Variants in STXBP4 observed in about 807,000 individuals in gnomAD.
The protein encoded by STXBP4 is syntaxin binding protein 4, also known as syntaxin-binding protein 4.
STXBP4 carries 55 observed loss-of-function variants against 76.1 expected under a neutral mutation model. The ratio of observed to expected loss-of-function variants is 0.72; its 90% CI spans 0.58 to 0.91. The LOEUF is 0.91. Ranked by LOEUF, STXBP4 falls within the 40% of genes least tolerant of loss-of-function variation. The probability of loss-of-function intolerance (pLI) is 0.00; values close to 1 mark genes in which losing one functional copy is unlikely to be tolerated. For missense variants in STXBP4, 618 were observed against 636.9 expected (o/e 0.97, Z 0.32); for synonymous variants, 201 against 220.2 (o/e 0.91, Z 0.77).
chr17:55,026,403 A>G (rs1411603252), intron 8 of STXBP4, among the ~76,000 whole-genome samples: 1 of 152,216 alleles, frequency 6.6e-6, no homozygotes, highest in Non-Finnish European at 1.5e-5. Flanking sequence ...TGGAAAGACA[A>G]AATAGTGTAT....
At chr17:55,048,523 T>G (rs2078820160) in intron 12 of STXBP4, among the ~76,000 whole-genome samples, 2 of 151,728 alleles carry the variant, frequency 1.3e-5, no homozygotes, top group Non-Finnish European at 2.9e-5. Flanking sequence ...AACGTCACAC[T>G]CCATACTCAA....
intron 12 of STXBP4, 71 bp from the exon 13 acceptor site, chr17:55,072,829 A>T: frequency 7.4e-7 from 1 of 1,342,476 alleles, no homozygotes; most frequent in Non-Finnish European, 1.0e-6. Flanking sequence ...AGAGCAAGGA[A>T]AATATTTTGT....
intron 16 of STXBP4, among the ~76,000 whole-genome samples, chr17:55,114,037 C>A (rs577214561): frequency 6.6e-6 from 1 of 152,092 alleles, no homozygotes; most frequent in East Asian, 1.9e-4. Context: ...ATTCTAGTAT[C>A]CAGTATCCAA....
At chr17:54,969,253 G>A (rs2077346903) in intron 1 of STXBP4, among the ~76,000 whole-genome samples, 1 of 152,216 alleles carries the variant, frequency 6.6e-6, no homozygotes, top group Non-Finnish European at 1.5e-5. Context: ...GTTTGTTCTG[G>A]AGAGAGTGAC....
intron 8 of STXBP4, among the ~76,000 whole-genome samples, chr17:55,028,177 C>T (rs968558059): frequency 6.6e-6 from 1 of 151,734 alleles, no homozygotes; most frequent in African/African-American, 2.4e-5. Flanking sequence ...TTAAAAAATC[C>T]AGATAATTCT....
At chr17:55,018,157 C>T (rs1488408529) in intron 8 of STXBP4, among the ~76,000 whole-genome samples, 4 of 152,046 alleles carry the variant, frequency 2.6e-5, no homozygotes, top group South Asian at 4.1e-4. Context: ...TATTAGAAGC[C>T]GTGGGTCACG....
intron 16 of STXBP4, among the ~76,000 whole-genome samples, chr17:55,126,425 T>C (rs2079913932): frequency 6.6e-6 from 1 of 152,108 alleles, no homozygotes; most frequent in African/African-American, 2.4e-5. Context: ...GCTAAAAGTA[T>C]AATACCTTTT....
chr17:55,000,679 A>C, intron 6 of STXBP4, 129 bp from the exon 7 acceptor site: 1 of 712,932 alleles, frequency 1.4e-6, no homozygotes, highest in Non-Finnish European at 2.4e-6. Flanking sequence ...GCATATACCA[A>C]AATTTTAGAG....
At chr17:55,131,772 C>A (rs968656192) in intron 16 of STXBP4, among the ~76,000 whole-genome samples, 2 of 152,108 alleles carry the variant, frequency 1.3e-5, no homozygotes, top group Non-Finnish European at 2.9e-5. Context: ...CCCACCCACC[C>A]CTGCCTTAAG....
the STXBP4 span, among the ~76,000 whole-genome samples, chr17:55,185,326 T>TCTCCTCCTCCTC: frequency 3.4e-3 from 257 of 74,656 alleles, 11 homozygotes; most frequent in African/African-American, 6.3e-3. Flanking sequence ...TCCTTCTCCT[T>TCTCCTCCTCCTC]CTCCTCCTCC....
the STXBP4 span, among the ~76,000 whole-genome samples, chr17:55,181,038 G>T: frequency 3.3e-5 from 5 of 152,216 alleles, no homozygotes; most frequent in Non-Finnish European, 1.5e-5. Flanking sequence ...TGGAGGTGGA[G>T]ACAGATGCAG....
intron 16 of STXBP4, among the ~76,000 whole-genome samples, chr17:55,133,401 G>A (rs2079993607): frequency 6.6e-6 from 1 of 152,150 alleles, no homozygotes; most frequent in Admixed American, 6.6e-5. Context: ...TACAATGATA[G>A]AGGAAGAGAG....
intron 8 of STXBP4, among the ~76,000 whole-genome samples, chr17:55,013,396 T>A (rs2078146802): frequency 6.6e-6 from 1 of 152,248 alleles, no homozygotes; most frequent in Non-Finnish European, 1.5e-5. Context: ...TGAGTTTCCT[T>A]AATTACTGTA....
At chr17:55,059,177 G>A (rs1253678208) in intron 12 of STXBP4, among the ~76,000 whole-genome samples, 1 of 151,896 alleles carries the variant, frequency 6.6e-6, no homozygotes, top group Non-Finnish European at 1.5e-5. Context: ...ATAAAAATAA[G>A]TATTTTAATT....
Position 55,133,673 on chromosome 17 carries a change from G to A in STXBP4, c.1490-7637G>A, listed in dbSNP as rs993216520. ...AGAAGAAACAGCCAGTGACAGAGGA[G>A]AACCTAGAGAAAGCTGTGTCTTTGC... On this transcript the variant is annotated intron_variant, in intron 16 of 17. Transcript: ENST00000376352. Among the ~76,000 whole-genome samples the A allele has an allele frequency of 8.9e-4, 136 of 152,278 alleles. 5 individuals are homozygous for A. The highest frequency in any genetic ancestry group is 5.0e-4 in the Non-Finnish European group (34 of 68,014).
intron 17 of STXBP4, among the ~76,000 whole-genome samples, chr17:55,145,621 TGC>T (rs1366806103): frequency 6.6e-6 from 1 of 152,236 alleles, no homozygotes; most frequent in African/African-American, 2.4e-5. Context: ...TAAATTCTGA[TGC>T]AAGAGAAGAA....
chr17:55,017,867 A>T (rs2078236643), intron 8 of STXBP4, among the ~76,000 whole-genome samples: 1 of 152,158 alleles, frequency 6.6e-6, no homozygotes, highest in Non-Finnish European at 1.5e-5. Context: ...CAGCCATGCT[A>T]ATCATTTTTA....
chr17:54,981,573 A>G (rs2144332800), intron 1 of STXBP4, among the ~76,000 whole-genome samples: 1 of 152,290 alleles, frequency 6.6e-6, no homozygotes, highest in African/African-American at 2.4e-5. Context: ...TGGATTCCAA[A>G]TGGATCAAAT....
intron 9 of STXBP4, among the ~76,000 whole-genome samples, chr17:55,033,682 A>AT (rs2078550256): frequency 6.6e-6 from 1 of 152,058 alleles, no homozygotes; most frequent in Non-Finnish European, 1.5e-5. Context: ...CTCAGCCTCA[A>AT]TTTTTTTCAT....
Sources: allele counts gnomAD v4.1 joint callset (sites outside exome capture counted in the v4.1 genomes callset), GRCh38; gene constraint gnomAD v4.1.1; transcripts MANE v1.5; gene names NCBI Gene and HGNC (gene_info 2026-07-23, HGNC 2026-07-21).